Variants in ITGA8 observed in about 807,000 individuals in gnomAD.
ITGA8 encodes the protein integrin subunit alpha 8.
A neutral mutation model predicts 142.3 loss-of-function variants in ITGA8; 91 were observed. The observed-to-expected ratio is 0.64, with a 90% CI of 0.54 to 0.76. ITGA8 has a LOEUF of 0.76. Among genes scored for constraint, ITGA8 ranks in the 30% least tolerant of loss-of-function variants. The pLI is 0.00. For synonymous variants in ITGA8, 505 were observed against 485.2 expected, an observed-to-expected ratio of 1.04 and a Z score of -0.54; for missense variants, 1,406 against 1,327.7, an observed-to-expected ratio of 1.06 and a Z score of -0.92.
At chr10:15,549,481 G>A (rs1833754063) in intron 26 of ITGA8, among the ~76,000 whole-genome samples, 1 of 152,084 alleles carries the variant, frequency 6.6e-6, no homozygotes, top group African/African-American at 2.4e-5. Flanking sequence ...AAGGTGTTGG[G>A]ATTACAGGCA....
At chr10:15,681,716 G>A (rs1233618035) in intron 4 of ITGA8, among the ~76,000 whole-genome samples, 1 of 152,114 alleles carries the variant, frequency 6.6e-6, no homozygotes, top group African/African-American at 2.4e-5. Flanking sequence ...AAGGCAAAAG[G>A]CATATGAAGG....
intron 25 of ITGA8, among the ~76,000 whole-genome samples, chr10:15,571,314 A>C (rs1202964293): frequency 6.6e-6 from 1 of 152,206 alleles, no homozygotes; most frequent in Non-Finnish European, 1.5e-5. Flanking sequence ...GTATTCCATG[A>C]AGCCTGCGCT....
At position 15,624,132 on chromosome 10, in the gene ITGA8, C is replaced by T. The variant is rs143915001; in HGVS notation, c.1400-7573G>A. On this transcript the variant is annotated intron_variant, in intron 13 of 29. Transcript: ENST00000378076. ...GTTTTTGCAAAGTCACTGTCAACAT[C>T]GGTGTACAGCAGTTTGTGCATCAAC... Among the ~76,000 whole-genome samples, 371 of 152,288 alleles carry T rather than the reference C, an allele frequency of 2.4e-3. 2 individuals carry two copies. The highest frequency in any genetic ancestry group is 4.3e-3 in the Admixed American group (65 of 15,294).
At chr10:15,711,460 A>G (rs1187696038) in intron 2 of ITGA8, among the ~76,000 whole-genome samples, 1 of 152,188 alleles carries the variant, frequency 6.6e-6, no homozygotes, top group Non-Finnish European at 1.5e-5. Context: ...TGCCTTCTCC[A>G]TAAAGGTTTT....
chr10:15,560,341 G>A (rs1285842953), intron 25 of ITGA8, among the ~76,000 whole-genome samples: 1 of 152,152 alleles, frequency 6.6e-6, no homozygotes, highest in African/African-American at 2.4e-5. Context: ...GGACAGATTG[G>A]TGGAGGTGGA....
At chr10:15,681,933 T>C (rs1834745203) in intron 4 of ITGA8, among the ~76,000 whole-genome samples, 1 of 152,214 alleles carries the variant, frequency 6.6e-6, no homozygotes, top group Non-Finnish European at 1.5e-5. Context: ...TTTGTTATTG[T>C]TTGTGGGATT....
chr10:15,712,690 C>A (rs965141245), intron 2 of ITGA8, among the ~76,000 whole-genome samples: 1 of 152,166 alleles, frequency 6.6e-6, no homozygotes, highest in Non-Finnish European at 1.5e-5. Flanking sequence ...TGAGCTTTTT[C>A]GTAAAGTTGG....
chr10:15,549,898 T>G (rs556100184), intron 26 of ITGA8, among the ~76,000 whole-genome samples: 2 of 152,312 alleles, frequency 1.3e-5, no homozygotes, highest in Admixed American at 6.5e-5. Context: ...GTTCATTTCC[T>G]ACAGGATGCT....
In ITGA8 at chr10:15,644,433, AAT is replaced by A. The variant is rs57868499; in HGVS notation, c.1208-214_1208-213del. On this transcript the variant is annotated intron_variant, in intron 12 of 29. Coordinates refer to ENST00000378076, the MANE Select transcript of ITGA8 (RefSeq NM_003638.3). ...CAGGTGCATACCACCATGTCAGGCT[AAT>A]ATATATATATATATATATATATATA... Among the ~76,000 whole-genome samples, 45 of 42,452 alleles carry A rather than the reference AAT, an allele frequency of 1.1e-3. 1 individual carries two copies. Among genetic ancestry groups the A allele is most frequent in the Admixed American group, 1.7e-3 (5 of 3,030 alleles). The allele number at this position is 42,452 out of a possible 152,430, so 27.9% of individuals were successfully genotyped here. A position where few individuals can be genotyped will look rare whatever the true frequency, so the allele number is the denominator to read the frequency against.
At chr10:15,697,681 T>C (rs894158473) in intron 2 of ITGA8, among the ~76,000 whole-genome samples, 7 of 152,206 alleles carry the variant, frequency 4.6e-5, no homozygotes, top group African/African-American at 1.7e-4. Context: ...TAGAATTTCA[T>C]ATAGGAACAT....
intron 19 of ITGA8, among the ~76,000 whole-genome samples, 191 bp from the exon 20 acceptor site, chr10:15,604,546 A>AGT (rs1489784876): frequency 1.4e-5 from 2 of 142,042 alleles, no homozygotes; most frequent in Admixed American, 1.4e-4. Context: ...AACACCCAGT[A>AGT]GTGTGTTGGT....
chr10:15,680,171 T>C (rs1294358408), intron 4 of ITGA8, among the ~76,000 whole-genome samples: 1 of 151,408 alleles, frequency 6.6e-6, no homozygotes, highest in African/African-American at 2.4e-5. Flanking sequence ...TGGTCATTAG[T>C]TAGCTAGTTT....
chr10:15,684,789 C>T (rs1834805890), intron 3 of ITGA8, among the ~76,000 whole-genome samples: 1 of 152,100 alleles, frequency 6.6e-6, no homozygotes, highest in African/African-American at 2.4e-5. Flanking sequence ...AGCAAATGAT[C>T]ATGTAAACAG....
At chr10:15,617,189 C>G (rs747087136) in intron 13 of ITGA8, among the ~76,000 whole-genome samples, 4 of 152,108 alleles carry the variant, frequency 2.6e-5, no homozygotes, top group Admixed American at 6.5e-5. Context: ...TGAATGATTC[C>G]TAACAAGAAG....
intron 3 of ITGA8, among the ~76,000 whole-genome samples, chr10:15,686,427 C>T (rs1048279475): frequency 6.6e-6 from 1 of 152,214 alleles, no homozygotes. Flanking sequence ...TTGATCTTCT[C>T]CAACTGGCCT....
chr10:15,669,334 G>A (rs1387481773), intron 8 of ITGA8, among the ~76,000 whole-genome samples: 1 of 152,054 alleles, frequency 6.6e-6, no homozygotes, highest in Non-Finnish European at 1.5e-5. Context: ...TTCTGCATTT[G>A]TCACGTGGCT....
chr10:15,689,892 C>G (rs1004905458), intron 2 of ITGA8, among the ~76,000 whole-genome samples: 1 of 152,162 alleles, frequency 6.6e-6, no homozygotes, highest in Non-Finnish European at 1.5e-5. Flanking sequence ...AAAGCTGAAT[C>G]CAAACCCACA....
chr10:15,702,046 A>G (rs1425213736), intron 2 of ITGA8, among the ~76,000 whole-genome samples: 1 of 152,212 alleles, frequency 6.6e-6, no homozygotes, highest in African/African-American at 2.4e-5. Context: ...TTTATATCAC[A>G]GAAAATTAAA....
At chr10:15,647,125 A>G in intron 11 of ITGA8, 74 bp from the exon 12 acceptor site, 1 of 1,094,366 alleles carries the variant, frequency 9.1e-7, no homozygotes, top group Non-Finnish European at 1.4e-6. Context: ...GTAATCAACT[A>G]GACTAGTAAA....
Sources: gnomAD v4.1 joint callset for allele counts (sites outside exome capture counted in the v4.1 genomes callset) on GRCh38, gnomAD v4.1.1 for gene constraint, MANE v1.5 for transcripts, NCBI Gene and HGNC (gene_info 2026-07-23, HGNC 2026-07-21) for gene names.